CMIP: variants seen among roughly 807,000 people sequenced by gnomAD.
CMIP encodes the protein c-Maf inducing protein.
A neutral mutation model predicts 97.3 loss-of-function variants in CMIP; 13 were observed. The ratio of observed to expected loss-of-function variants is 0.13; its 90% CI spans 0.09 to 0.21. The LOEUF (loss-of-function observed/expected upper bound fraction) is 0.21, where lower values mean the gene tolerates loss of function less well. Among genes scored for constraint, CMIP ranks in the 10% least tolerant of loss-of-function variants. The pLI is 1.00. For synonymous variants in CMIP, 538 were observed against 436.3 expected (o/e 1.23, Z -2.91); for missense variants, 847 against 1,024.9 (o/e 0.83, Z 2.37).
At chr16:81,504,727 G>A (rs2089676771) in intron 1 of CMIP, among the ~76,000 whole-genome samples, 1 of 151,654 alleles carries the variant, frequency 6.6e-6, no homozygotes. Context: ...TGTGCTCCAC[G>A]GTCTGTGCCA....
intron 1 of CMIP, among the ~76,000 whole-genome samples, chr16:81,529,341 A>T (rs1320589069): frequency 6.6e-6 from 1 of 152,038 alleles, no homozygotes; most frequent in Admixed American, 6.5e-5. Flanking sequence ...CATGCTTGGG[A>T]CACTCAGTGA....
At chr16:81,459,013 C>CATCACT (rs1286337490) in intron 1 of CMIP, among the ~76,000 whole-genome samples, 2 of 148,518 alleles carry the variant, frequency 1.3e-5, no homozygotes, top group African/African-American at 4.9e-5. Context: ...TCACCGTCAC[C>CATCACT]GTCACCATCA....
rs754225032 is a variant in CMIP, at chr16:81,453,091, G to A, written c.300+7550G>A. Among the ~76,000 whole-genome samples the A allele has an allele frequency of 3.3e-5, 5 of 152,156 alleles. No homozygotes were observed. Among genetic ancestry groups the A allele is most frequent in the Non-Finnish European group, 7.3e-5 (5 of 68,028 alleles). On this transcript the variant is annotated intron_variant, in intron 1 of 20. Coordinates refer to ENST00000537098, the MANE Select transcript of CMIP (RefSeq NM_198390.3). This position sits in a 1 kb window ranked among gnomAD's most constrained non-coding sequence, Gnocchi z 4.0. ...GATTCACCTCTGGTTTTGCCAGCGA[G>A]GAAGGGGTGAGGGGAAGTGTGTCGG...
intron 1 of CMIP, among the ~76,000 whole-genome samples, chr16:81,599,078 T>C (rs2091614605): frequency 6.6e-6 from 1 of 151,158 alleles, no homozygotes; most frequent in Non-Finnish European, 1.5e-5. Context: ...GTCTGGAGAA[T>C]GGTTGGAGAA....
At chr16:81,473,094 C>G (rs1361250543) in intron 1 of CMIP, among the ~76,000 whole-genome samples, 1 of 152,236 alleles carries the variant, frequency 6.6e-6, no homozygotes, top group Non-Finnish European at 1.5e-5. Flanking sequence ...AGCCACACCA[C>G]CAGCCTGCCT....
chr16:81,608,336 A>G (rs918658792), intron 2 of CMIP, among the ~76,000 whole-genome samples: 10 of 152,118 alleles, frequency 6.6e-5, no homozygotes, highest in Non-Finnish European at 1.2e-4. Context: ...GTCAGATGAC[A>G]TCATTAATAT....
rs866175594 is a variant in CMIP at position 81,445,056 on chromosome 16, C to G, written c.-186C>G. On this transcript the variant is annotated 5_prime_UTR_variant, in exon 1 of 21. Transcript: ENST00000537098. ...CCCCGCAGGAAGCGCCGAGGCCGGC[C>G]CAGCCCGCCGCACGCGCCGCCCCCC... is the stretch of plus-strand genomic sequence containing the variant. 2 of 217,506 alleles carry G rather than the reference C, an allele frequency of 9.2e-6. No homozygotes were observed. The highest frequency in any genetic ancestry group is 4.7e-5 in the African/African-American group (2 of 42,350). 13.5% of individuals were successfully genotyped at this position (217,506 alleles called of 1,614,324 possible).
chr16:81,593,040 G>C (rs1027691133), intron 1 of CMIP, among the ~76,000 whole-genome samples: 3 of 152,234 alleles, frequency 2.0e-5, no homozygotes, highest in East Asian at 3.8e-4. Context: ...GATGACTGGG[G>C]CTGGAGGGGT....
rs564987678 is a variant in CMIP at position 81,709,873 on chromosome 16, C to T, written c.*74C>T. ...TCTTGACTAACAGCCGCAGAGCAGC[C>T]GGTCCTGGGGTCCCACCCTGGTGCC... On this transcript the variant is annotated 3_prime_UTR_variant, in exon 21 of 21. Transcript: ENST00000537098. The T allele has an allele frequency of 2.8e-5, 36 of 1,293,212 alleles. No individual in the cohort carries two copies. In the African/African-American group the frequency reaches 4.7e-4, roughly 17 times the overall value. The allele number at this position is 1,293,212 out of a possible 1,614,324, so 80.1% of individuals were successfully genotyped here. A position where few individuals can be genotyped will look rare whatever the true frequency, so the allele number is the denominator to read the frequency against.
rs1004189710 is a variant in CMIP at position 81,702,556 on chromosome 16, A to T, written c.1897-66A>T. ...ATGGCTCCATGAGTGTTGTTAACAG[A>T]GGTGGAAGTCTAGAATGGAAACTTG... On this transcript the variant is annotated intron_variant, in intron 16 of 20. Coordinates refer to ENST00000537098, the MANE Select transcript of CMIP (RefSeq NM_198390.3). 4 of 1,450,654 alleles carry T rather than the reference A, an allele frequency of 2.8e-6. No individual in the cohort carries two copies. In the African/African-American group the frequency reaches 5.6e-5, roughly 20 times the overall value. 89.9% of individuals were successfully genotyped at this position (1,450,654 alleles called of 1,614,324 possible).
intron 13 of CMIP, 36 bp from the exon 14 acceptor site, chr16:81,696,524 A>C: frequency 6.3e-7 from 1 of 1,586,894 alleles, no homozygotes; most frequent in Non-Finnish European, 8.5e-7. Flanking sequence ...CCGGGGCTGC[A>C]TGCAGCTCAC....
chr16:81,522,208 T>C (rs2090041854), intron 1 of CMIP, among the ~76,000 whole-genome samples: 1 of 152,220 alleles, frequency 6.6e-6, no homozygotes, highest in African/African-American at 2.4e-5. Flanking sequence ...GAGCTCCCAT[T>C]GGCGATCGAT....
Position 81,678,484 on chromosome 16 carries a change from C to A in CMIP, c.1244C>A (p.Ala415Glu). The A allele has an allele frequency of 6.3e-7, 1 of 1,595,808 alleles. No homozygotes were observed. Among genetic ancestry groups the A allele is most frequent in the Non-Finnish European group, 8.5e-7 (1 of 1,172,026 alleles). The change falls in exon 10 of 21, where the codon GCG (alanine) becomes GAG (glutamate). Residue 415 changes from alanine (A) to glutamate (E), a missense_variant. Coordinates refer to ENST00000537098, the MANE Select transcript of CMIP (RefSeq NM_198390.3). ...GAACGCACCAGCACTGCCAAGCCGGCGCTGACGGCCAGCGCAGGCAACGAC... is the reference window on the plus strand; with the variant it reads ...GAACGCACCAGCACTGCCAAGCCGGAGCTGACGGCCAGCGCAGGCAACGAC... Reference protein sequence around the residue: ...EVERTSTAKPALTASAGNDSE... With the variant: ...EVERTSTAKPELTASAGNDSE...
rs77779877 is a variant in CMIP, at chr16:81,543,404, G to T, written c.301-64163G>T. 6.7e-3 allele frequency among the ~76,000 whole-genome samples: 1,027 copies of T among 152,284 alleles called. 6 individuals carry two copies. Among genetic ancestry groups the T allele is most frequent in the African/African-American group, 0.024 (977 of 41,546 alleles). ...CTGTAGCTGGCTGCTTATTGCCAAG[G>T]CGTTGCGTTGGCTAGTGTCCCCACA... On this transcript the variant is annotated intron_variant, in intron 1 of 20. Coordinates refer to ENST00000537098, the MANE Select transcript of CMIP (RefSeq NM_198390.3).
chr16:81,557,000 C>A (rs1025546940), intron 1 of CMIP, among the ~76,000 whole-genome samples: 1 of 152,198 alleles, frequency 6.6e-6, no homozygotes, highest in African/African-American at 2.4e-5. Context: ...TTGGGAAAAA[C>A]TGGTGAAGTT....
intron 1 of CMIP, among the ~76,000 whole-genome samples, chr16:81,493,105 G>A (rs151079897): frequency 0.011 from 1,695 of 152,248 alleles, 18 homozygotes; most frequent in Non-Finnish European, 0.017. Context: ...GGAGCTGGGA[G>A]ACCCGAGTTC....
chr16:81,588,325 A>G (rs1266821051), intron 1 of CMIP, among the ~76,000 whole-genome samples: 1 of 152,166 alleles, frequency 6.6e-6, no homozygotes, highest in Non-Finnish European at 1.5e-5. Flanking sequence ...CTTTTTCCCC[A>G]GTCCCAGATT....
At chr16:81,686,482 C>T (rs555970891) in intron 10 of CMIP, among the ~76,000 whole-genome samples, 3 of 152,186 alleles carry the variant, frequency 2.0e-5, no homozygotes, top group Non-Finnish European at 2.9e-5. Context: ...GCTTCCTCAC[C>T]GGCACCCTCT....
chr16:81,678,544 G>A lies in CMIP; in HGVS notation c.1304G>A (p.Ser435Asn). The A allele has an allele frequency of 6.2e-7, 1 of 1,606,686 alleles. No individual in the cohort carries two copies. ...EPNLIDCLMV[S>N]PACSTMSIEL... is the part of the protein sequence containing the mutation. ...AACCTCATCGACTGCCTCATGGTCA[G>A]CCCCGCCTGCAGCACCATGAGCATC... is the stretch of plus-strand genomic sequence containing the variant. Residue 435 changes from serine to asparagine, a missense_variant, in exon 10 of 21, where the codon AGC becomes AAC. Transcript: ENST00000537098.
Sources: allele counts gnomAD v4.1 joint callset (sites outside exome capture counted in the v4.1 genomes callset), GRCh38; gene constraint gnomAD v4.1.1; non-coding constraint Gnocchi (gnomAD v3.1); transcripts MANE v1.5; gene names NCBI Gene and HGNC (gene_info 2026-07-23, HGNC 2026-07-21).